KIAA1328: variants seen among roughly 807,000 people sequenced by gnomAD.
KIAA1328 encodes the protein KIAA1328.
A neutral mutation model predicts 68.1 loss-of-function variants in KIAA1328; 52 were observed. That is an observed-to-expected ratio of 0.76 (90% CI 0.61 to 0.96). The LOEUF (loss-of-function observed/expected upper bound fraction) is 0.96. Ranked by LOEUF, KIAA1328 falls within the 40% of genes least tolerant of loss-of-function variation. The pLI is 0.00. For missense variants in KIAA1328, 641 were observed against 677.6 expected (o/e 0.95, Z 0.60); for synonymous variants, 232 against 239.4 (o/e 0.97, Z 0.28).
chr18:36,867,781 G>T (rs1468473426), intron 4 of KIAA1328, among the ~76,000 whole-genome samples: 1 of 152,042 alleles, frequency 6.6e-6, no homozygotes, highest in Non-Finnish European at 1.5e-5. Flanking sequence ...TTTTAGAATT[G>T]GTATACTAGA....
At chr18:37,184,935 G>T (rs1484753498) in intron 9 of KIAA1328, among the ~76,000 whole-genome samples, 1 of 151,964 alleles carries the variant, frequency 6.6e-6, no homozygotes, top group East Asian at 1.9e-4. Flanking sequence ...AGGCTGAGAC[G>T]GGCGGATCAC....
intron 5 of KIAA1328, among the ~76,000 whole-genome samples, chr18:36,887,326 T>G (rs999825554): frequency 3.9e-5 from 6 of 152,108 alleles, no homozygotes; most frequent in Non-Finnish European, 7.4e-5. Context: ...AAATGGTAGG[T>G]TAGGAATGCT....
At chr18:37,190,691 G>A (rs2059889203) in intron 9 of KIAA1328, among the ~76,000 whole-genome samples, 1 of 152,122 alleles carries the variant, frequency 6.6e-6, no homozygotes, top group Non-Finnish European at 1.5e-5. Flanking sequence ...TTTTATCTCA[G>A]CATACCCCAT....
At chr18:36,993,156 C>T (rs2053257150) in intron 6 of KIAA1328, among the ~76,000 whole-genome samples, 1 of 151,990 alleles carries the variant, frequency 6.6e-6, no homozygotes, top group South Asian at 2.1e-4. Flanking sequence ...AAAAGCTGAA[C>T]AAGGAAGTCA....
At chr18:37,118,008 C>CTTTTTTT (rs112710292) in intron 7 of KIAA1328, among the ~76,000 whole-genome samples, 1 of 141,686 alleles carries the variant, frequency 7.1e-6, no homozygotes. Context: ...TGCTTTCTTT[C>CTTTTTTT]TTTTTTTTTT....
intron 4 of KIAA1328, among the ~76,000 whole-genome samples, chr18:36,873,563 T>A (rs905611066): frequency 2.1e-4 from 32 of 152,286 alleles, no homozygotes; most frequent in African/African-American, 7.7e-4. Context: ...AAGAAGGACA[T>A]GAATACCAGG....
At chr18:36,837,965 A>G (rs555455439) in intron 3 of KIAA1328, among the ~76,000 whole-genome samples, 1 of 152,242 alleles carries the variant, frequency 6.6e-6, no homozygotes, top group South Asian at 2.1e-4. Context: ...TGGAATTAGG[A>G]AGTATAAGTC....
chr18:37,105,060 C>T (rs893124412), intron 7 of KIAA1328, among the ~76,000 whole-genome samples: 3 of 152,104 alleles, frequency 2.0e-5, no homozygotes, highest in South Asian at 2.1e-4. Context: ...AAGAATTGCT[C>T]GGGCAAAAAG....
At chr18:37,001,810 C>A (rs2053595489) in intron 6 of KIAA1328, among the ~76,000 whole-genome samples, 1 of 152,138 alleles carries the variant, frequency 6.6e-6, no homozygotes. Context: ...AACATCCCTT[C>A]ATGATAAAAA....
intron 7 of KIAA1328, among the ~76,000 whole-genome samples, chr18:37,156,553 C>A (rs1332033604): frequency 6.6e-6 from 1 of 151,716 alleles, no homozygotes; most frequent in Non-Finnish European, 1.5e-5. Flanking sequence ...CCCAGTCTCA[C>A]AGTACATATC....
chr18:36,919,928 T>C (rs572374436), intron 5 of KIAA1328, among the ~76,000 whole-genome samples: 2 of 152,316 alleles, frequency 1.3e-5, no homozygotes, highest in South Asian at 4.1e-4. Context: ...ATTTGGCTTT[T>C]GCTTGTTTAA....
chr18:36,973,425 T>C (rs1418014687), intron 6 of KIAA1328, among the ~76,000 whole-genome samples: 1 of 152,094 alleles, frequency 6.6e-6, no homozygotes, highest in Non-Finnish European at 1.5e-5. Context: ...TATACATATG[T>C]AACAAACCTA....
At chr18:36,970,783 G>C (rs1465534519) in intron 6 of KIAA1328, among the ~76,000 whole-genome samples, 1 of 152,126 alleles carries the variant, frequency 6.6e-6, no homozygotes, top group Non-Finnish European at 1.5e-5. Context: ...ACAAACCACT[G>C]CTCAAGGAAA....
At chr18:36,962,793 A>G (rs1044166311) in intron 6 of KIAA1328, among the ~76,000 whole-genome samples, 2 of 152,244 alleles carry the variant, frequency 1.3e-5, no homozygotes, top group Non-Finnish European at 2.9e-5. Flanking sequence ...ACAACGTGCC[A>G]GAATCTCTGG....
chr18:37,082,166 A>AAT (rs1556876999), intron 7 of KIAA1328, among the ~76,000 whole-genome samples: 1 of 100,424 alleles, frequency 1.0e-5, no homozygotes, highest in African/African-American at 4.2e-5. Context: ...TGCCCCAAGG[A>AAT]TTTTTTTTTT....
intron 9 of KIAA1328, among the ~76,000 whole-genome samples, chr18:37,203,583 A>G (rs2060155340): frequency 6.6e-6 from 1 of 152,214 alleles, no homozygotes; most frequent in Middle Eastern, 3.2e-3. Flanking sequence ...TGAAAAGCCT[A>G]GGAAGTATGC....
At chr18:37,183,645 C>T (rs2059739865) in intron 9 of KIAA1328, among the ~76,000 whole-genome samples, 3 of 152,162 alleles carry the variant, frequency 2.0e-5, no homozygotes, top group Non-Finnish European at 2.9e-5. Context: ...AATAAGCCTG[C>T]AGTGAAAAAA....
At chr18:36,966,844 A>G (rs1195892926) in intron 6 of KIAA1328, among the ~76,000 whole-genome samples, 1 of 152,200 alleles carries the variant, frequency 6.6e-6, no homozygotes, top group African/African-American at 2.4e-5. Context: ...ATTGATCTGT[A>G]GATTTGTTGC....
intron 9 of KIAA1328, among the ~76,000 whole-genome samples, chr18:37,203,985 T>C (rs2060166811): frequency 6.6e-6 from 1 of 152,108 alleles, no homozygotes. Context: ...AATTTTTTTG[T>C]ATGTTTAGTA....
Sources: allele counts gnomAD v4.1 joint callset (sites outside exome capture counted in the v4.1 genomes callset), GRCh38; gene constraint gnomAD v4.1.1; transcripts MANE v1.5; gene names NCBI Gene and HGNC (gene_info 2026-07-23, HGNC 2026-07-21).